The following FSD1L variants were observed in gnomAD, a reference collection of about 807,000 sequenced individuals.
FSD1L encodes the protein fibronectin type III and SPRY domain containing 1 like, also known as FSD1-like protein.
Under a neutral mutation model 71.6 loss-of-function variants are expected in FSD1L, and 45 were observed. The ratio of observed to expected loss-of-function variants is 0.63; its 90% confidence interval spans 0.49 to 0.81. The LOEUF is 0.81. FSD1L is among the 30% of genes least tolerant of loss of function. FSD1L has a pLI of 0.00. For synonymous variants in FSD1L, 197 were observed against 207.2 expected, an observed-to-expected ratio of 0.95 and a Z score of 0.42; for missense variants, 561 against 618.1, an observed-to-expected ratio of 0.91 and a Z score of 0.98.
At position 105,467,315 on chromosome 9, in the gene FSD1L, C is replaced by T. The variant is rs530185380; in HGVS notation, c.208-878C>T. On this transcript the variant is annotated intron_variant, in intron 3 of 13. Coordinates refer to ENST00000481272, the MANE Select transcript of FSD1L (RefSeq NM_001145313.3). ...ATATATTAGTTCTCTTAGTCAGTGC[C>T]AGTTCGCTTCTCTTAATTGAATGAT... Among the ~76,000 whole-genome samples the T allele has an allele frequency of 2.0e-5, 3 of 152,238 alleles. No individual in the cohort carries two copies. The East Asian group carries it at 5.8e-4, about 29-fold the overall frequency.
chr9:105,480,420 T>A (rs1832094798), intron 6 of FSD1L, among the ~76,000 whole-genome samples: 1 of 151,690 alleles, frequency 6.6e-6, no homozygotes, highest in Non-Finnish European at 1.5e-5. Flanking sequence ...TCCTCCTGAA[T>A]AGGTGGGACT....
chr9:105,526,211 C>T, intron 10 of FSD1L: 4 of 1,597,180 alleles, frequency 2.5e-6, no homozygotes, highest in Non-Finnish European at 3.4e-6. Flanking sequence ...TCTCTGATTC[C>T]ATTGTATCAA....
rs1420905963 is a variant in FSD1L, at chr9:105,538,341, G to A, written c.1379-922G>A. Among the ~76,000 whole-genome samples the A allele has an allele frequency of 3.3e-5, 5 of 152,132 alleles. No homozygotes were observed. The East Asian group carries it at 9.6e-4, about 29-fold the overall frequency. On this transcript the variant is annotated intron_variant, in intron 12 of 13. Coordinates refer to ENST00000481272, the MANE Select transcript of FSD1L (RefSeq NM_001145313.3). ...TATTAAACAATCTACATAATAATGTGCATAAATATTAGTTTATTTTATCTT... is the reference window on the plus strand; with the variant it reads ...TATTAAACAATCTACATAATAATGTACATAAATATTAGTTTATTTTATCTT...
chr9:105,464,396 T>C (rs1230087789), intron 3 of FSD1L, 65 bp downstream of exon 3: 1 of 665,226 alleles, frequency 1.5e-6, no homozygotes, highest in Non-Finnish European at 2.5e-6. Flanking sequence ...GAAGTACAAA[T>C]ATACTCTATG....
intron 9 of FSD1L, among the ~76,000 whole-genome samples, chr9:105,510,161 T>C (rs138618790): frequency 2.3e-3 from 355 of 152,306 alleles, no homozygotes; most frequent in Non-Finnish European, 4.5e-3. Context: ...ATGTTACTGG[T>C]CAAACTCTTA....
At chr9:105,534,989 T>C (rs967262625) in intron 11 of FSD1L, 78 bp from the exon 12 acceptor site, 2 of 1,435,410 alleles carry the variant, frequency 1.4e-6, no homozygotes, top group African/African-American at 2.9e-5. Flanking sequence ...TGTGTCTTTT[T>C]TTGGGACGAG....
rs113720442 is a variant in FSD1L, at chr9:105,549,988, A to C, written c.*3505A>C. On this transcript the variant is annotated 3_prime_UTR_variant, in exon 14 of 14. Transcript: ENST00000481272. ...GCTTAAGAAATTGATTATATTTTAAAATAATTATTTTTTTAAAAACGTAAT... is the reference window on the plus strand; with the variant it reads ...GCTTAAGAAATTGATTATATTTTAACATAATTATTTTTTTAAAAACGTAAT... 3 of 152,002 alleles carry C rather than the reference A, an allele frequency of 2.0e-5. No homozygotes were observed. Among genetic ancestry groups the C allele is most frequent in the Non-Finnish European group, 4.4e-5 (3 of 67,886 alleles). The allele number at this position is 152,002 out of a possible 1,614,324, so 9.4% of individuals were successfully genotyped here. A position where few individuals can be genotyped will look rare whatever the true frequency, so the allele number is the denominator to read the frequency against.
At chr9:105,471,517 C>T (rs1164038930) in intron 4 of FSD1L, among the ~76,000 whole-genome samples, 2 of 152,148 alleles carry the variant, frequency 1.3e-5, no homozygotes, top group African/African-American at 4.8e-5. Flanking sequence ...ATACTTCCTA[C>T]TTGTCCCATA....
chr9:105,526,396 G>A (rs112572168), intron 10 of FSD1L: 2 of 1,613,320 alleles, frequency 1.2e-6, no homozygotes, highest in Non-Finnish European at 1.7e-6. Flanking sequence ...CCTACCCAGA[G>A]ATTCTACCCA....
At chr9:105,450,238 C>G (rs1829905765) in intron 1 of FSD1L, among the ~76,000 whole-genome samples, 1 of 152,144 alleles carries the variant, frequency 6.6e-6, no homozygotes, top group South Asian at 2.1e-4. Context: ...ATACTATTTT[C>G]TGTTATGGAA....
intron 10 of FSD1L, chr9:105,521,757 G>A (rs534465229): frequency 1.1e-4 from 181 of 1,612,978 alleles, no homozygotes; most frequent in Non-Finnish European, 1.3e-4. Context: ...GGCAAAAAAC[G>A]GCTCCTACCA....
intron 1 of FSD1L, among the ~76,000 whole-genome samples, chr9:105,451,847 T>A (rs1001565036): frequency 6.6e-6 from 1 of 152,198 alleles, no homozygotes; most frequent in Non-Finnish European, 1.5e-5. Context: ...ATTTTATAGT[T>A]TAACTTTTTG....
rs976699268 is a variant in FSD1L, at chr9:105,526,343, C to T, written c.1026-8150C>T. Reference sequence around the variant, plus strand: ...CCAGCTCCCTACCACCATTTACCATCTGATGCCGATCATTAAATATCAGTT... The same window carrying T: ...CCAGCTCCCTACCACCATTTACCATTTGATGCCGATCATTAAATATCAGTT... On this transcript the variant is annotated intron_variant, in intron 10 of 13. Coordinates refer to ENST00000481272, the MANE Select transcript of FSD1L (RefSeq NM_001145313.3). The T allele has an allele frequency of 3.7e-6, 6 of 1,612,118 alleles. No individual in the cohort carries two copies. In the Admixed American group the frequency reaches 5.0e-5, roughly 13 times the overall value.
chr9:105,507,742 C>T (rs1028127024), intron 8 of FSD1L, among the ~76,000 whole-genome samples: 43 of 152,126 alleles, frequency 2.8e-4, no homozygotes, highest in African/African-American at 1.0e-3. Flanking sequence ...TACCATCTCT[C>T]TCTGAGTGAA....
chr9:105,543,220 G>C (rs937302642), intron 13 of FSD1L, among the ~76,000 whole-genome samples: 6 of 152,020 alleles, frequency 3.9e-5, no homozygotes, highest in Non-Finnish European at 7.4e-5. Flanking sequence ...GAACACTTAA[G>C]GGTATAATTG....
upstream of FSD1L, chr9:105,447,897 G>A (rs1397853780): frequency 2.1e-6 from 1 of 472,292 alleles, no homozygotes; most frequent in Non-Finnish European, 3.7e-6. Flanking sequence ...GATGGGGGAA[G>A]GGAGTGCAGC....
intron 13 of FSD1L, among the ~76,000 whole-genome samples, chr9:105,542,034 T>A (rs542583170): frequency 6.6e-6 from 1 of 152,344 alleles, no homozygotes; most frequent in South Asian, 2.1e-4. Flanking sequence ...TGAAAGACAC[T>A]TGGGTTTTTC....
intron 1 of FSD1L, among the ~76,000 whole-genome samples, chr9:105,449,838 G>A (rs1287311663): frequency 6.6e-6 from 1 of 152,088 alleles, no homozygotes; most frequent in Non-Finnish European, 1.5e-5. Flanking sequence ...GAACCTATTT[G>A]TTCTCATTTC....
At chr9:105,453,568 G>A (rs946353731) in intron 1 of FSD1L, among the ~76,000 whole-genome samples, 5 of 151,784 alleles carry the variant, frequency 3.3e-5, no homozygotes, top group Admixed American at 2.0e-4. Flanking sequence ...CTCTTTTGAG[G>A]GAATGTCTTA....
Sources: allele counts gnomAD v4.1 joint callset (sites outside exome capture counted in the v4.1 genomes callset), GRCh38; gene constraint gnomAD v4.1.1; transcripts MANE v1.5; gene names NCBI Gene and HGNC (gene_info 2026-07-23, HGNC 2026-07-21).